PARP12: variants seen among roughly 807,000 people sequenced by gnomAD.
PARP12 encodes protein mono-ADP-ribosyltransferase PARP12.
A neutral mutation model predicts 72.4 loss-of-function variants in PARP12; 59 were observed. The observed-to-expected ratio is 0.81, with a 90% CI of 0.66 to 1.01. The LOEUF (loss-of-function observed/expected upper bound fraction) is 1.01, where lower values mean the gene tolerates loss of function less well. Among genes scored for constraint, PARP12 ranks in the 50% least tolerant of loss-of-function variants. The probability of loss-of-function intolerance (pLI) is 0.00; values close to 1 mark genes in which losing one functional copy is unlikely to be tolerated. For synonymous variants in PARP12, 403 were observed against 371.4 expected (o/e 1.09, Z -0.98); for missense variants, 851 against 914.0 (o/e 0.93, Z 0.89).
At chr7:140,037,195 A>G (rs1816238530) in intron 7 of PARP12, among the ~76,000 whole-genome samples, 1 of 152,194 alleles carries the variant, frequency 6.6e-6, no homozygotes, top group South Asian at 2.1e-4. Flanking sequence ...GTGACGGCTC[A>G]TGACTGTAAT....
In PARP12 at chr7:140,031,100, T is replaced by TA. The variant is rs537302096; in HGVS notation, c.1422-2413dup. Among the ~76,000 whole-genome samples the TA allele has an allele frequency of 2.6e-5, 4 of 152,282 alleles. No homozygotes were observed. In the South Asian group the frequency reaches 8.3e-4, roughly 32 times the overall value. On this transcript the variant is annotated intron_variant, in intron 8 of 11. Coordinates refer to ENST00000263549, the MANE Select transcript of PARP12 (RefSeq NM_022750.4). ...AACATGTAGTTTCTACCATAGCCTT[T>TA]AAAATATACATATACACAAAAGAAG...
In PARP12 at chr7:140,024,031, TGTGACACA is replaced by T. The variant is rs1168722817; in HGVS notation, c.*521_*528del. On this transcript the variant is annotated 3_prime_UTR_variant, in exon 12 of 12. Transcript: ENST00000263549. ...ACACAGCAGCCACCTGTTCTGACAA[TGTGACACA>T]GACCAACTAATGCCAGAGCCCAGGA... 4.9e-6 allele frequency: 1 copy of T among 202,590 alleles called. No individual in the cohort carries two copies. Among genetic ancestry groups the T allele is most frequent in the African/African-American group, 2.4e-5 (1 of 42,462 alleles). The allele number at this position is 202,590 out of a possible 1,614,324, so 12.5% of individuals were successfully genotyped here. A position where few individuals can be genotyped will look rare whatever the true frequency, so the allele number is the denominator to read the frequency against.
chr7:140,058,499 CAAA>C (rs768336170), intron 1 of PARP12, among the ~76,000 whole-genome samples: 5 of 110,918 alleles, frequency 4.5e-5, no homozygotes, highest in Admixed American at 9.6e-5. Flanking sequence ...GACTCAGTCT[CAAA>C]AAAAAAAAAA....
At chr7:140,058,096 G>A in intron 1 of PARP12, 62 bp from the exon 2 acceptor site, 1 of 1,575,568 alleles carries the variant, frequency 6.3e-7, no homozygotes, top group Non-Finnish European at 8.7e-7. Flanking sequence ...TTCTATGTTG[G>A]AGTCCTAACT....
chr7:140,039,731 T>C (rs1323571867), intron 6 of PARP12, among the ~76,000 whole-genome samples: 1 of 152,168 alleles, frequency 6.6e-6, no homozygotes, highest in East Asian at 1.9e-4. Context: ...AATGTGGGGT[T>C]ATACCAGAAA....
intron 11 of PARP12, among the ~76,000 whole-genome samples, chr7:140,025,957 C>G (rs1443815628): frequency 6.6e-6 from 1 of 152,230 alleles, no homozygotes; most frequent in Non-Finnish European, 1.5e-5. Flanking sequence ...CTCTGCTCCA[C>G]AGGGAAGCAA....
At chr7:140,035,266 T>C (rs1206138400) in intron 7 of PARP12, among the ~76,000 whole-genome samples, 1 of 152,186 alleles carries the variant, frequency 6.6e-6, no homozygotes. Context: ...GCAGCAACCA[T>C]GACCCCTTCT....
intron 6 of PARP12, 82 bp downstream of exon 6, chr7:140,041,562 G>T: frequency 7.2e-7 from 1 of 1,394,328 alleles, no homozygotes; most frequent in Non-Finnish European, 9.8e-7. Context: ...GATGCCCCTG[G>T]CAACAATATG....
At chr7:140,041,579 C>G (rs1290558880) in intron 6 of PARP12, 65 bp downstream of exon 6, 1 of 1,501,246 alleles carries the variant, frequency 6.7e-7, no homozygotes, top group African/African-American at 1.4e-5. Context: ...TATGGGGGCT[C>G]TTATTTGGCT....
At chr7:140,046,509 G>A (rs1364055348) in intron 5 of PARP12, among the ~76,000 whole-genome samples, 3 of 152,290 alleles carry the variant, frequency 2.0e-5, no homozygotes, top group African/African-American at 4.8e-5. Flanking sequence ...ATCACCTCTC[G>A]CTTTTCTGTA....
intron 7 of PARP12, among the ~76,000 whole-genome samples, chr7:140,036,197 G>A (rs1816190435): frequency 1.3e-5 from 2 of 152,226 alleles, no homozygotes; most frequent in African/African-American, 2.4e-5. Flanking sequence ...TCCCCAGGGT[G>A]TGGCCTAGGT....
At chr7:140,048,618 TCTAA>T (rs1361033183) in intron 4 of PARP12, among the ~76,000 whole-genome samples, 2 of 152,166 alleles carry the variant, frequency 1.3e-5, no homozygotes, top group Admixed American at 6.5e-5. Flanking sequence ...TTAGACATAT[TCTAA>T]CTAAACACAC....
intron 8 of PARP12, among the ~76,000 whole-genome samples, chr7:140,030,617 G>GCATA (rs1325318620): frequency 6.6e-6 from 1 of 152,198 alleles, no homozygotes; most frequent in East Asian, 1.9e-4. Context: ...ATACATACAT[G>GCATA]CATACATACA....
intron 2 of PARP12, 26 bp downstream of exon 2, chr7:140,057,873 G>T: frequency 6.2e-7 from 1 of 1,613,516 alleles, no homozygotes; most frequent in Non-Finnish European, 8.5e-7. Context: ...GGGAGCTGTG[G>T]AACCCAGACT....
intron 3 of PARP12, among the ~76,000 whole-genome samples, chr7:140,056,450 A>G (rs902587202): frequency 6.6e-6 from 1 of 152,118 alleles, no homozygotes; most frequent in Non-Finnish European, 1.5e-5. Flanking sequence ...ATCAGAATAC[A>G]ACACAAGGAA....
intron 1 of PARP12, among the ~76,000 whole-genome samples, chr7:140,058,520 AT>A (rs1296165449): frequency 1.3e-5 from 2 of 151,024 alleles, no homozygotes; most frequent in African/African-American, 4.9e-5. Context: ...AAAAGAAGAG[AT>A]TGGGGCACAG....
chr7:140,056,836 C>T lies in PARP12; in HGVS notation c.760+20G>A, dbSNP rs375938466. Reference sequence around the variant, plus strand: ...CCTCCCGTGCTCCCCACCAGCCTTACCACTCCCCACCAGCCTTACCAGAAG... The same window carrying T: ...CCTCCCGTGCTCCCCACCAGCCTTATCACTCCCCACCAGCCTTACCAGAAG... On this transcript the variant is annotated intron_variant, in intron 3 of 11. Transcript: ENST00000263549. 1.3e-6 allele frequency: 2 copies of T among 1,575,684 alleles called. No homozygotes were observed. Among genetic ancestry groups the T allele is most frequent in the Admixed American group, 1.8e-5 (1 of 55,206 alleles).
At chr7:140,035,993 GAGGAGGAGAAGGAGGAGA>G (rs1167834142) in intron 7 of PARP12, among the ~76,000 whole-genome samples, 601 of 54,034 alleles carry the variant, frequency 0.011, 26 homozygotes, top group Non-Finnish European at 0.013. Context: ...GGAGGAGGAG[GAGGAGGAGAAGGAGGAGA>G]AGGAGGAGAA....
chr7:140,046,230 G>A (rs751368219), intron 5 of PARP12, among the ~76,000 whole-genome samples: 11 of 152,204 alleles, frequency 7.2e-5, no homozygotes, highest in African/African-American at 2.2e-4. Flanking sequence ...CAATTTGCAC[G>A]TAATTGTACT....
Sources: allele counts gnomAD v4.1 joint callset (sites outside exome capture counted in the v4.1 genomes callset), GRCh38; gene constraint gnomAD v4.1.1; transcripts MANE v1.5; gene names NCBI Gene and HGNC (gene_info 2026-07-23, HGNC 2026-07-21).